Variants in MSI2 observed in about 807,000 individuals in gnomAD.
The protein encoded by MSI2 is RNA-binding protein Musashi homolog 2.
Under a neutral mutation model 45.6 loss-of-function variants are expected in MSI2, and 17 were observed. The ratio of observed to expected loss-of-function variants is 0.37; its 90% CI spans 0.26 to 0.56. The LOEUF (loss-of-function observed/expected upper bound fraction) is 0.56, where lower values mean the gene tolerates loss of function less well. MSI2 is among the 20% of genes least tolerant of loss of function. The pLI is 0.77. For missense variants in MSI2, 293 were observed against 444.2 expected, an observed-to-expected ratio of 0.66 and a Z score of 3.06; for synonymous variants, 156 against 158.2, an observed-to-expected ratio of 0.99 and a Z score of 0.11.
intron 7 of MSI2, among the ~76,000 whole-genome samples, chr17:57,538,751 T>C (rs939239633): frequency 6.6e-6 from 1 of 152,218 alleles, no homozygotes; most frequent in African/African-American, 2.4e-5. Flanking sequence ...CACACACATA[T>C]GCTTGCATGT....
chr17:57,357,331 G>C (rs1418570205), intron 5 of MSI2, among the ~76,000 whole-genome samples: 3 of 152,088 alleles, frequency 2.0e-5, no homozygotes, highest in Non-Finnish European at 4.4e-5. Context: ...AGGCCACCCA[G>C]AGTCAGAGTC....
intron 5 of MSI2, among the ~76,000 whole-genome samples, chr17:57,387,845 G>A (rs1360849014): frequency 6.6e-6 from 1 of 152,202 alleles, no homozygotes; most frequent in Non-Finnish European, 1.5e-5. Flanking sequence ...TGGGGAGGGG[G>A]AAGAGGGACT....
intron 6 of MSI2, among the ~76,000 whole-genome samples, chr17:57,455,660 C>T (rs1237086771): frequency 2.0e-5 from 3 of 151,998 alleles, no homozygotes; most frequent in Non-Finnish European, 4.4e-5. Flanking sequence ...GAGCAGGGGC[C>T]GAGACAGCAG....
At chr17:57,461,387 TA>T (rs2085224923) in intron 6 of MSI2, among the ~76,000 whole-genome samples, 1 of 152,168 alleles carries the variant, frequency 6.6e-6, no homozygotes, top group African/African-American at 2.4e-5. Flanking sequence ...GCTGATGTAT[TA>T]AAAAATTAAT....
At chr17:57,260,871 C>T (rs12449455) in intron 4 of MSI2, among the ~76,000 whole-genome samples, 2,083 of 152,118 alleles carry the variant, frequency 0.014, 36 homozygotes, top group Middle Eastern at 0.037. Context: ...TCCGTGCTTC[C>T]CACTCCCCAC....
At position 57,622,350 on chromosome 17, in the gene MSI2, G is replaced by A. The variant is rs117562316; in HGVS notation, c.653-4879G>A. Among the ~76,000 whole-genome samples, 257 of 152,334 alleles carry A rather than the reference G, an allele frequency of 1.7e-3. 1 individual carries two copies. The highest frequency in any genetic ancestry group is 3.2e-3 in the Non-Finnish European group (218 of 68,038). ...GTGAACTTAATAAAAGCAAACACAT[G>A]ATGATTGTTGATATATTTTATTTCT... is the stretch of plus-strand genomic sequence containing the variant. On this transcript the variant is annotated intron_variant, in intron 9 of 13. Transcript: ENST00000284073.
chr17:57,338,295 G>A (rs112519394), intron 5 of MSI2, among the ~76,000 whole-genome samples: 7,112 of 152,172 alleles, frequency 0.047, 588 homozygotes, highest in African/African-American at 0.16. Context: ...TCACCATGTT[G>A]GCCAGGCTGG....
At chr17:57,273,073 G>T (rs183680900) in intron 5 of MSI2, among the ~76,000 whole-genome samples, 1 of 152,138 alleles carries the variant, frequency 6.6e-6, no homozygotes, top group Non-Finnish European at 1.5e-5. Context: ...GGGGAAAAAG[G>T]ATCAAATTAG....
intron 6 of MSI2, among the ~76,000 whole-genome samples, chr17:57,514,431 C>T (rs1002282748): frequency 6.6e-6 from 1 of 152,096 alleles, no homozygotes. Flanking sequence ...TTCCTTTTTC[C>T]CTGGTCCCAA....
intron 5 of MSI2, among the ~76,000 whole-genome samples, chr17:57,389,974 A>G (rs1443978679): frequency 6.7e-6 from 1 of 150,182 alleles, no homozygotes; most frequent in African/African-American, 2.5e-5. Flanking sequence ...ATGGTGGTTC[A>G]CTCCTGTAAT....
At chr17:57,308,380 T>G (rs549660831) in intron 5 of MSI2, among the ~76,000 whole-genome samples, 1 of 152,282 alleles carries the variant, frequency 6.6e-6, no homozygotes, top group East Asian at 1.9e-4. Flanking sequence ...CTTTTTCATG[T>G]GTATGTTTTT....
chr17:57,267,237 G>A (rs1425873992), intron 5 of MSI2: 1 of 152,298 alleles, frequency 6.6e-6, no homozygotes, highest in Non-Finnish European at 1.5e-5. Flanking sequence ...CCACAGCAGC[G>A]AGGACCTGGG....
chr17:57,655,379 C>T (rs1911519084), intron 11 of MSI2, among the ~76,000 whole-genome samples: 1 of 152,186 alleles, frequency 6.6e-6, no homozygotes, highest in Non-Finnish European at 1.5e-5. Flanking sequence ...AGAAGCCTCC[C>T]CCGACAGGTG....
chr17:57,467,562 G>A (rs911990812), intron 6 of MSI2, among the ~76,000 whole-genome samples: 2 of 152,124 alleles, frequency 1.3e-5, no homozygotes, highest in African/African-American at 4.8e-5. Flanking sequence ...CTAGATGGGT[G>A]GATGGATGGA....
chr17:57,379,857 G>GAATAC (rs747390683), intron 5 of MSI2, among the ~76,000 whole-genome samples: 121 of 152,148 alleles, frequency 8.0e-4, no homozygotes, highest in Non-Finnish European at 1.3e-3. Flanking sequence ...CTTTGTTCTC[G>GAATAC]AATACGGTGA....
intron 6 of MSI2, among the ~76,000 whole-genome samples, chr17:57,519,537 G>C (rs1489194706): frequency 3.3e-5 from 5 of 152,016 alleles, no homozygotes; most frequent in African/African-American, 1.2e-4. Context: ...CGGTGATCTC[G>C]AGCTTTTGGA....
chr17:57,266,036 T>A (rs886613839), intron 5 of MSI2: 1 of 152,238 alleles, frequency 6.6e-6, no homozygotes, highest in Non-Finnish European at 1.5e-5. Flanking sequence ...TTAATTATCC[T>A]TGTGTATAAG....
chr17:57,639,743 A>C (rs1412358945), intron 10 of MSI2, among the ~76,000 whole-genome samples: 1 of 131,408 alleles, frequency 7.6e-6, no homozygotes, highest in Non-Finnish European at 1.7e-5. Flanking sequence ...GGCCAGCCCC[A>C]CAGTTCCCTT....
rs563103991 is a variant in MSI2, at chr17:57,271,152, A to G, written c.312+8960A>G. Among the ~76,000 whole-genome samples the G allele has an allele frequency of 3.9e-5, 6 of 152,226 alleles. No individual in the cohort carries two copies. The East Asian group carries it at 1.2e-3, about 29-fold the overall frequency. ...TATCTGCCCGGGGGTAGCTCTACCA[A>G]TGACTGATCTGAAAGCATCACATTC... On this transcript the variant is annotated intron_variant, in intron 5 of 13. Coordinates refer to ENST00000284073, the MANE Select transcript of MSI2 (RefSeq NM_138962.4).
Sources: gnomAD v4.1 joint callset for allele counts (sites outside exome capture counted in the v4.1 genomes callset) on GRCh38, gnomAD v4.1.1 for gene constraint, MANE v1.5 for transcripts, NCBI Gene and HGNC (gene_info 2026-07-23, HGNC 2026-07-21) for gene names.